Variants in UTS2B observed in about 807,000 individuals in gnomAD.
The protein encoded by UTS2B is urotensin 2B, also known as urotensin-2B.
UTS2B carries 21 observed loss-of-function variants against 19.2 expected under a neutral mutation model. The ratio of observed to expected loss-of-function variants is 1.09; its 90% CI spans 0.78 to 1.58. The LOEUF (loss-of-function observed/expected upper bound fraction) is 1.58, where lower values mean the gene tolerates loss of function less well. Ranked by LOEUF, UTS2B falls within the 40% of genes most tolerant of loss-of-function variation. The pLI, the probability that UTS2B is intolerant of heterozygous loss-of-function variation, is 0.00. For synonymous variants in UTS2B, 57 were observed against 50.2 expected, an observed-to-expected ratio of 1.14 and a Z score of -0.58; for missense variants, 138 against 130.3, an observed-to-expected ratio of 1.06 and a Z score of -0.29.
At chr3:191,270,545 GT>G (rs147396750) in intron 8 of UTS2B, among the ~76,000 whole-genome samples, 75 of 150,936 alleles carry the variant, frequency 5.0e-4, no homozygotes, top group East Asian at 1.6e-3. Context: ...AACAAAAAAG[GT>G]TTTTTTTTTA....
rs114282302 is a variant in UTS2B, at chr3:191,326,402, T to C, written c.-586+2229A>G. On this transcript the variant is annotated intron_variant, in intron 2 of 8. Transcript: ENST00000340524. ...GGTAGTTTTCAAACTGGAGTTTTCA[T>C]TTCTTATGACCAAAGTCTCCCTACT... 1.7e-3 allele frequency among the ~76,000 whole-genome samples: 266 copies of C among 152,322 alleles called. 2 individuals are homozygous for C. Among genetic ancestry groups the C allele is most frequent in the African/African-American group, 6.0e-3 (249 of 41,566 alleles).
At chr3:191,334,704 C>G (rs1342136130), upstream of UTS2B, among the ~76,000 whole-genome samples, 1 of 152,126 alleles carries the variant, frequency 6.6e-6, no homozygotes, top group Non-Finnish European at 1.5e-5. Context: ...TCCTCCTTCC[C>G]TCTCTTCCCC....
At chr3:191,317,896 A>AT (rs1560147098) in intron 2 of UTS2B, among the ~76,000 whole-genome samples, 1 of 151,876 alleles carries the variant, frequency 6.6e-6, no homozygotes, top group Non-Finnish European at 1.5e-5. Flanking sequence ...TTTTATTTTT[A>AT]TTTTTTTTAA....
intron 4 of UTS2B, among the ~76,000 whole-genome samples, chr3:191,303,327 A>G (rs1717051424): frequency 6.6e-6 from 1 of 152,206 alleles, no homozygotes; most frequent in Non-Finnish European, 1.5e-5. Context: ...CAAATTGTCA[A>G]ACTTTCAGAG....
intron 4 of UTS2B, among the ~76,000 whole-genome samples, chr3:191,286,402 TGAA>T: frequency 2.5e-5 from 1 of 40,718 alleles, no homozygotes; most frequent in Admixed American, 3.8e-4. Flanking sequence ...TTAAGAAGAA[TGAA>T]GTCATATCTT....
chr3:191,315,188 T>C (rs1717415510), intron 3 of UTS2B, among the ~76,000 whole-genome samples: 1 of 152,112 alleles, frequency 6.6e-6, no homozygotes, highest in Admixed American at 6.5e-5. Context: ...AATTTTTGTA[T>C]TTTTAGTAGA....
intron 1 of UTS2B, chr3:191,329,456 C>T (rs1717864555): frequency 6.4e-6 from 3 of 465,986 alleles, no homozygotes; most frequent in South Asian, 4.1e-5. Context: ...GTGGCCGCGG[C>T]GGGGCAGCTG....
the UTS2B span, among the ~76,000 whole-genome samples, chr3:191,340,910 A>G: frequency 1.3e-3 from 203 of 152,224 alleles, 2 homozygotes; most frequent in Non-Finnish European, 2.4e-4. Context: ...GTCATAGCTC[A>G]CTGTGGCCTC....
At chr3:191,313,440 T>G (rs922315521) in intron 3 of UTS2B, among the ~76,000 whole-genome samples, 2 of 152,156 alleles carry the variant, frequency 1.3e-5, no homozygotes, top group African/African-American at 2.4e-5. Context: ...ATGCTTATAG[T>G]AAAGGAAACA....
intron 2 of UTS2B, among the ~76,000 whole-genome samples, chr3:191,319,622 G>T (rs890815638): frequency 6.6e-6 from 1 of 151,794 alleles, no homozygotes; most frequent in African/African-American, 2.4e-5. Context: ...CACTTTGGGA[G>T]GCTGAGACGG....
chr3:191,293,269 G>A (rs1203831073), intron 4 of UTS2B, among the ~76,000 whole-genome samples: 3 of 152,102 alleles, frequency 2.0e-5, no homozygotes, highest in Non-Finnish European at 4.4e-5. Flanking sequence ...CTTGTAGAAT[G>A]AATTGAAAAT....
intron 4 of UTS2B, among the ~76,000 whole-genome samples, chr3:191,293,215 TTA>T (rs4020763): frequency 0.72 from 109,146 of 151,878 alleles, 40,072 homozygotes; most frequent in African/African-American, 0.89. Context: ...TAGTTTTATT[TTA>T]TATATGTCAT....
At chr3:191,274,039 T>C (rs1217163723) in intron 8 of UTS2B, among the ~76,000 whole-genome samples, 1 of 151,562 alleles carries the variant, frequency 6.6e-6, no homozygotes, top group Non-Finnish European at 1.5e-5. Context: ...GAGACAGAGG[T>C]TGCAGTGAGC....
chr3:191,287,717 A>G (rs1247624455), intron 4 of UTS2B, among the ~76,000 whole-genome samples: 1 of 152,078 alleles, frequency 6.6e-6, no homozygotes, highest in Admixed American at 6.6e-5. Flanking sequence ...GCCCACTCTC[A>G]CCATTACTAC....
At chr3:191,329,622 C>G (rs1287221967) in intron 1 of UTS2B, 1 of 1,575,940 alleles carries the variant, frequency 6.3e-7, no homozygotes, top group Admixed American at 1.8e-5. Context: ...CGCTCGGCGC[C>G]GGCGGTGACC....
At chr3:191,270,924 G>A (rs889062672) in intron 8 of UTS2B, among the ~76,000 whole-genome samples, 1 of 152,084 alleles carries the variant, frequency 6.6e-6, no homozygotes, top group Non-Finnish European at 1.5e-5. Flanking sequence ...ACTGTCAAAG[G>A]GCCAGTTGTG....
chr3:191,294,870 A>T (rs774664245), intron 4 of UTS2B: 1 of 151,778 alleles, frequency 6.6e-6, no homozygotes, highest in Non-Finnish European at 1.5e-5. Flanking sequence ...CTCTACTAAA[A>T]ATACAAAAAC....
chr3:191,341,856 G>A, the UTS2B span, among the ~76,000 whole-genome samples: 2 of 152,168 alleles, frequency 1.3e-5, no homozygotes, highest in South Asian at 4.1e-4. Flanking sequence ...ACACTGGCTG[G>A]CTTCCTCAAG....
At chr3:191,276,305 CA>C (rs528437374) in intron 7 of UTS2B, among the ~76,000 whole-genome samples, 92 of 152,222 alleles carry the variant, frequency 6.0e-4, no homozygotes, top group African/African-American at 2.0e-3. Flanking sequence ...AATGGAATTG[CA>C]CGGAGAAAAG....
Sources: allele counts gnomAD v4.1 joint callset (sites outside exome capture counted in the v4.1 genomes callset), GRCh38; gene constraint gnomAD v4.1.1; transcripts MANE v1.5; gene names NCBI Gene and HGNC (gene_info 2026-07-23, HGNC 2026-07-21).